The following TNRC6B variants were observed in gnomAD, a reference collection of about 807,000 sequenced individuals.
The protein encoded by TNRC6B is trinucleotide repeat containing adaptor 6B.
Under a neutral mutation model 203.6 loss-of-function variants are expected in TNRC6B, and 52 were observed. The ratio of observed to expected loss-of-function variants is 0.26; its 90% CI spans 0.20 to 0.32. TNRC6B has a LOEUF of 0.32. Ranked by LOEUF, TNRC6B falls within the 10% of genes least tolerant of loss-of-function variation. The pLI, the probability that TNRC6B is intolerant of heterozygous loss-of-function variation, is 1.00. For synonymous variants in TNRC6B, 838 were observed against 845.7 expected (o/e 0.99, Z 0.16); for missense variants, 1,923 against 2,286.2 (o/e 0.84, Z 3.24).
intron 1 of TNRC6B, among the ~76,000 whole-genome samples, chr22:40,191,263 A>G (rs898932536): frequency 6.6e-6 from 1 of 152,172 alleles, no homozygotes; most frequent in African/African-American, 2.4e-5. Context: ...GTAAAGGGAT[A>G]GTAATAGTAC....
intron 3 of TNRC6B, among the ~76,000 whole-genome samples, chr22:40,127,776 A>G (rs1348538234): frequency 6.6e-6 from 1 of 152,114 alleles, no homozygotes; most frequent in Non-Finnish European, 1.5e-5. Context: ...AGGCTGAGGT[A>G]GGAGGATCAT....
chr22:40,108,005 T>C (rs2068301171), intron 1 of TNRC6B, among the ~76,000 whole-genome samples: 2 of 151,752 alleles, frequency 1.3e-5, no homozygotes, highest in Non-Finnish European at 1.5e-5. Context: ...CACATGATTG[T>C]TGGCAAGGAA....
rs2071462228 is a variant in TNRC6B, at chr22:40,331,233, A to G, written c.*7992A>G. The G allele has an allele frequency of 6.5e-6, 1 of 153,140 alleles. No homozygotes were observed. The highest frequency in any genetic ancestry group is 2.4e-5 in the African/African-American group (1 of 41,484). The allele number at this position is 153,140 out of a possible 1,614,324, so 9.5% of individuals were successfully genotyped here. On this transcript the variant is annotated 3_prime_UTR_variant, in exon 23 of 23. Coordinates refer to ENST00000454349, the MANE Select transcript of TNRC6B (RefSeq NM_001162501.2). ...ACATCACGTTGCTGTTGATGCAAAC[A>G]GGGTATTACACACAAGGAAAAGGGG...
At chr22:40,141,531 G>A (rs2146338434) in intron 3 of TNRC6B, among the ~76,000 whole-genome samples, 1 of 152,180 alleles carries the variant, frequency 6.6e-6, no homozygotes, top group Middle Eastern at 3.4e-3. Flanking sequence ...GAGGGCCTCT[G>A]TGTAACCCTT....
intron 1 of TNRC6B, among the ~76,000 whole-genome samples, chr22:40,098,795 A>G (rs2068208677): frequency 6.6e-6 from 1 of 151,980 alleles, no homozygotes; most frequent in African/African-American, 2.4e-5. Context: ...TGGTATGATC[A>G]TAGCTCACTG....
chr22:40,087,506 A>G (rs1336015066), intron 1 of TNRC6B, among the ~76,000 whole-genome samples: 1 of 152,216 alleles, frequency 6.6e-6, no homozygotes, highest in Non-Finnish European at 1.5e-5. Context: ...AAAGACAATT[A>G]TATATGTAAT....
chr22:40,059,668 T>G (rs1381677221), intron 1 of TNRC6B, among the ~76,000 whole-genome samples: 1 of 152,208 alleles, frequency 6.6e-6, no homozygotes, highest in Non-Finnish European at 1.5e-5. Flanking sequence ...GAATGGAGAT[T>G]GTTTCATTGG....
At chr22:40,119,507 C>T (rs2146319493) in intron 2 of TNRC6B, among the ~76,000 whole-genome samples, 1 of 152,322 alleles carries the variant, frequency 6.6e-6, no homozygotes, top group Non-Finnish European at 1.5e-5. Flanking sequence ...TCGCTTGAAC[C>T]TGGGAGGCAG....
intron 1 of TNRC6B, among the ~76,000 whole-genome samples, chr22:40,235,946 T>TC (rs2069941367): frequency 6.6e-6 from 1 of 152,018 alleles, no homozygotes; most frequent in South Asian, 2.1e-4. Context: ...AAAAGATGAG[T>TC]CAATGTTTGA....
At chr22:40,282,454 T>TA (rs1176081248) in intron 11 of TNRC6B, among the ~76,000 whole-genome samples, 3 of 152,248 alleles carry the variant, frequency 2.0e-5, no homozygotes, top group Non-Finnish European at 2.9e-5. Flanking sequence ...ACTGTTTATA[T>TA]AAATGGAAGA....
chr22:40,093,538 C>CT (rs1341104692), intron 1 of TNRC6B, among the ~76,000 whole-genome samples: 3 of 152,190 alleles, frequency 2.0e-5, no homozygotes. Flanking sequence ...AAAAAGCAGA[C>CT]TGCAGACTGA....
intron 1 of TNRC6B, among the ~76,000 whole-genome samples, chr22:40,071,806 T>C (rs1291904130): frequency 6.6e-6 from 1 of 152,232 alleles, no homozygotes; most frequent in African/African-American, 2.4e-5. Context: ...AGTTATAGCT[T>C]TTATTTCTAG....
At position 40,222,444 on chromosome 22, in the gene TNRC6B, T is replaced by A. The variant is rs746363715; in HGVS notation, c.6-23571T>A. On this transcript the variant is annotated intron_variant, in intron 1 of 22. Transcript: ENST00000454349. The stretch of plus-strand genomic sequence containing the variant: ...GAGGGCCAAGGAGGAATGGGGCTTG[T>A]GTGAGGAAATGGGGAGTTCTCAAGG... 1.0e-3 allele frequency among the ~76,000 whole-genome samples: 152 copies of A among 152,074 alleles called. 2 individuals are homozygous for A. The highest frequency in any genetic ancestry group is 3.2e-4 in the Non-Finnish European group (22 of 67,996).
In TNRC6B at chr22:40,266,436, C is replaced by T. The variant is rs570227678; in HGVS notation, c.2206C>T (p.Arg736Cys). The T allele has an allele frequency of 3.3e-4, 529 of 1,613,756 alleles. 3 individuals are homozygous for T. The South Asian group carries it at 5.1e-3, about 16-fold the overall frequency. The change falls in exon 5 of 23, where the codon CGC becomes TGC. Residue 736 changes from arginine to cysteine, a missense_variant. Coordinates refer to ENST00000454349, the MANE Select transcript of TNRC6B (RefSeq NM_001162501.2). ...PSKDQGWGGG[R>C]QPNQGWSSGK... ...CAAGGATCAGGGGTGGGGAGGTGGA[C>T]GCCAGCCCAATCAAGGATGGTCTTC... is the stretch of plus-strand genomic sequence containing the variant.
At chr22:40,261,616 A>T (rs1192642026) in intron 3 of TNRC6B, among the ~76,000 whole-genome samples, 2 of 151,888 alleles carry the variant, frequency 1.3e-5, no homozygotes, top group African/African-American at 4.8e-5. Context: ...ATAAATAAAT[A>T]AATAATAATC....
intron 4 of TNRC6B, among the ~76,000 whole-genome samples, chr22:40,170,578 G>A (rs2068971666): frequency 3.1e-5 from 1 of 32,440 alleles, no homozygotes; most frequent in Non-Finnish European, 4.6e-5. Flanking sequence ...TATATATATA[G>A]TTTATATATA....
At chr22:40,282,839 G>T (rs2070735264) in intron 11 of TNRC6B, among the ~76,000 whole-genome samples, 1 of 151,930 alleles carries the variant, frequency 6.6e-6, no homozygotes, top group African/African-American at 2.4e-5. Context: ...ATTTTGGTTA[G>T]CTTGGTAATT....
chr22:40,098,459 G>A (rs1201449462), intron 1 of TNRC6B, among the ~76,000 whole-genome samples: 1 of 149,228 alleles, frequency 6.7e-6, no homozygotes, highest in Non-Finnish European at 1.5e-5. Context: ...GGCAGATGTT[G>A]TCATATTGTG....
chr22:40,199,833 G>T (rs1465064738), intron 1 of TNRC6B, among the ~76,000 whole-genome samples: 1 of 151,900 alleles, frequency 6.6e-6, no homozygotes, highest in African/African-American at 2.4e-5. Context: ...TGGCTCTGTC[G>T]CCCAGGCTGG....
Sources: gnomAD v4.1 joint callset for allele counts (sites outside exome capture counted in the v4.1 genomes callset) on GRCh38, gnomAD v4.1.1 for gene constraint, MANE v1.5 for transcripts, NCBI Gene and HGNC (gene_info 2026-07-23, HGNC 2026-07-21) for gene names.